The following MINDY4 variants were observed in gnomAD, a reference collection of about 807,000 sequenced individuals.
The protein encoded by MINDY4 is probable ubiquitin carboxyl-terminal hydrolase MINDY-4.
MINDY4 carries 68 observed loss-of-function variants against 87.0 expected under a neutral mutation model. The observed-to-expected ratio is 0.78, with a 90% CI of 0.64 to 0.96. The LOEUF is 0.96. MINDY4 is among the 40% of genes least tolerant of loss of function. MINDY4 has a pLI of 0.00. For synonymous variants in MINDY4, 379 were observed against 363.2 expected (o/e 1.04, Z -0.50); for missense variants, 919 against 928.2 (o/e 0.99, Z 0.13).
At chr7:30,850,667 A>G (rs536493355) in intron 10 of MINDY4, 112 bp downstream of exon 10, 276 of 950,694 alleles carry the variant, frequency 2.9e-4, no homozygotes, top group Non-Finnish European at 2.9e-4. Context: ...ACCCTGTGCC[A>G]CATGCTGGGA....
intron 8 of MINDY4, among the ~76,000 whole-genome samples, chr7:30,839,791 A>T (rs958058902): frequency 3.3e-5 from 5 of 152,144 alleles, no homozygotes; most frequent in Non-Finnish European, 5.9e-5. Flanking sequence ...TCAAGTGTGC[A>T]GAGCAAGTGC....
intron 13 of MINDY4, among the ~76,000 whole-genome samples, chr7:30,861,438 G>A (rs1789765100): frequency 6.6e-6 from 1 of 152,274 alleles, no homozygotes; most frequent in Non-Finnish European, 1.5e-5. Context: ...AGGAAGCAAG[G>A]CTGAGGGAGG....
intron 13 of MINDY4, among the ~76,000 whole-genome samples, chr7:30,867,276 C>T (rs960114512): frequency 6.6e-6 from 1 of 152,162 alleles, no homozygotes; most frequent in Non-Finnish European, 1.5e-5. Flanking sequence ...TTCAACTGCT[C>T]GGAGGTCTCG....
chr7:30,859,365 T>G, intron 13 of MINDY4, 41 bp downstream of exon 13: 1 of 1,583,326 alleles, frequency 6.3e-7, no homozygotes, highest in Non-Finnish European at 8.7e-7. Context: ...GCTGGGCTGG[T>G]CTGTCTTGTT....
intron 3 of MINDY4, among the ~76,000 whole-genome samples, chr7:30,783,321 A>G (rs543758656): frequency 6.6e-6 from 1 of 152,184 alleles, no homozygotes; most frequent in South Asian, 2.1e-4. Flanking sequence ...GTCTCCTTCT[A>G]AGAAGGACCC....
chr7:30,834,603 C>T (rs1282026289), intron 6 of MINDY4, among the ~76,000 whole-genome samples: 2 of 152,258 alleles, frequency 1.3e-5, no homozygotes, highest in Admixed American at 1.3e-4. Context: ...CAAATTTCTG[C>T]AGCCAGCTTG....
At chr7:30,872,198 T>C (rs757535211) in intron 13 of MINDY4, 45 bp from the exon 14 acceptor site, 1 of 1,605,354 alleles carries the variant, frequency 6.2e-7, no homozygotes, top group South Asian at 1.1e-5. Context: ...GTTTGCAACC[T>C]GGGTCAGGCA....
At chr7:30,822,811 T>C (rs536708792) in intron 5 of MINDY4, among the ~76,000 whole-genome samples, 1 of 143,160 alleles carries the variant, frequency 7.0e-6, no homozygotes, top group African/African-American at 2.5e-5. Context: ...AATTTTTGAA[T>C]TTTTTTTTTT....
intron 9 of MINDY4, among the ~76,000 whole-genome samples, chr7:30,843,927 G>A (rs934086422): frequency 6.6e-6 from 1 of 152,182 alleles, no homozygotes; most frequent in Non-Finnish European, 1.5e-5. Flanking sequence ...CTTATGGGGG[G>A]GCCTGCCTGG....
At chr7:30,830,039 T>C (rs562219970) in intron 6 of MINDY4, among the ~76,000 whole-genome samples, 2 of 151,626 alleles carry the variant, frequency 1.3e-5, no homozygotes, top group South Asian at 4.2e-4. Flanking sequence ...CGGAGAGAGT[T>C]CATGAAAGGA....
chr7:30,798,653 C>T (rs893914863), intron 5 of MINDY4, among the ~76,000 whole-genome samples: 3 of 152,162 alleles, frequency 2.0e-5, no homozygotes, highest in East Asian at 1.9e-4. Context: ...CCCGCCACCA[C>T]GCCTGGCTAA....
At position 30,791,378 on chromosome 7, in the gene MINDY4, C is replaced by T; in HGVS notation, c.877C>T (p.Leu293=). Reference sequence around the variant, plus strand: ...AACCACTGCCAGCAGCCCTCCCCATCTGCCCAGCAAACGGCTGCCCCCATG... The same window carrying T: ...AACCACTGCCAGCAGCCCTCCCCATTTGCCCAGCAAACGGCTGCCCCCATG... The part of the protein sequence containing the change: ...QKTTASSPPH[L]PSKRLPPWDR... The change falls in exon 5 of 18, where the codon CTG becomes TTG. Residue 293 remains leucine (L), a synonymous_variant. Transcript: ENST00000265299. 1 of 1,614,152 alleles carries T rather than the reference C, an allele frequency of 6.2e-7. No individual in the cohort carries two copies. The highest frequency in any genetic ancestry group is 1.3e-5 in the African/African-American group (1 of 75,048).
intron 13 of MINDY4, among the ~76,000 whole-genome samples, chr7:30,865,284 G>A (rs912882536): frequency 1.3e-5 from 2 of 152,212 alleles, no homozygotes; most frequent in Non-Finnish European, 2.9e-5. Flanking sequence ...AGCTTAGCTG[G>A]GAAACAGGAG....
At chr7:30,795,014 A>G (rs1787443112) in intron 5 of MINDY4, among the ~76,000 whole-genome samples, 1 of 152,118 alleles carries the variant, frequency 6.6e-6, no homozygotes, top group Non-Finnish European at 1.5e-5. Flanking sequence ...CCCCAGGGCT[A>G]GGTCTTCCAA....
intron 13 of MINDY4, 26 bp downstream of exon 13, chr7:30,859,350 C>G (rs777191726): frequency 6.2e-7 from 1 of 1,609,600 alleles, no homozygotes; most frequent in South Asian, 1.1e-5. Flanking sequence ...CCTCAACTCC[C>G]TGGGGCTGGG....
intron 5 of MINDY4, among the ~76,000 whole-genome samples, chr7:30,827,859 G>A (rs562496900): frequency 2.0e-5 from 3 of 152,356 alleles, no homozygotes; most frequent in East Asian, 1.9e-4. Flanking sequence ...TACCCTGCAA[G>A]GATGTTGAAG....
Position 30,791,253 on chromosome 7 carries a change from T to G in MINDY4, c.752T>G (p.Leu251Arg), listed in dbSNP as rs199816608. The change falls in exon 5 of 18, where the codon CTC becomes CGC. Residue 251 changes from leucine to arginine, a missense_variant. Physicochemically the swap from Leu to Arg is moderately radical, Grantham distance 102 (BLOSUM62 -2). Coordinates refer to ENST00000265299, the MANE Select transcript of MINDY4 (RefSeq NM_032222.3). ...PQEESRKVPELFVCTQQDILA... is the reference protein window; with the variant it reads ...PQEESRKVPERFVCTQQDILA... ...GAAGAGAGCCGGAAGGTCCCTGAGC[T>G]CTTTGTCTGCACCCAACAGGACATT... 3.8e-5 allele frequency: 61 copies of G among 1,614,052 alleles called. No individual in the cohort carries two copies. The African/African-American group carries it at 6.0e-4, about 16-fold the overall frequency.
chr7:30,881,074 C>T (rs1790451321), intron 15 of MINDY4, among the ~76,000 whole-genome samples: 1 of 152,172 alleles, frequency 6.6e-6, no homozygotes, highest in African/African-American at 2.4e-5. Context: ...GCTGTAAATA[C>T]CTGAGCATGC....
At chr7:30,841,804 A>G (rs1789049185) in intron 9 of MINDY4, among the ~76,000 whole-genome samples, 2 of 152,204 alleles carry the variant, frequency 1.3e-5, no homozygotes, top group South Asian at 2.1e-4. Flanking sequence ...AGGTACCCCT[A>G]TTCTCCTGAA....
Sources: allele counts gnomAD v4.1 joint callset (sites outside exome capture counted in the v4.1 genomes callset), GRCh38; gene constraint gnomAD v4.1.1; transcripts MANE v1.5; gene names NCBI Gene and HGNC (gene_info 2026-07-23, HGNC 2026-07-21).